SYF2: variants seen among roughly 807,000 people sequenced by gnomAD.
The protein encoded by SYF2 is pre-mRNA-splicing factor SYF2.
In SYF2, 21 loss-of-function variants were observed where a neutral mutation model predicts 32.7. That is an observed-to-expected ratio of 0.64 (90% CI 0.45 to 0.92). The LOEUF is 0.92. SYF2 is among the 40% of genes least tolerant of loss of function. SYF2 has a pLI of 0.00. For missense variants in SYF2, 278 were observed against 296.5 expected (o/e 0.94, Z 0.46); for synonymous variants, 114 against 103.9 (o/e 1.10, Z -0.59).
In SYF2 at chr1:25,227,571, C is replaced by T. The variant is rs769291134; in HGVS notation, c.377-39G>A. 10 of 1,566,494 alleles carry T rather than the reference C, an allele frequency of 6.4e-6. No homozygotes were observed. In the Admixed American group the frequency reaches 1.6e-4, roughly 25 times the overall value. On this transcript the variant is annotated intron_variant, in intron 4 of 6. Transcript: ENST00000236273. The stretch of plus-strand genomic sequence containing the variant: ...ATGAGAATCAGCGATAATATATTTC[C>T]TTGTTTGGACCTTCCTATTGAGAGA...
intron 2 of SYF2, chr1:25,231,478 G>A (rs558419243): frequency 6.5e-6 from 1 of 152,706 alleles, no homozygotes; most frequent in African/African-American, 2.4e-5. Flanking sequence ...CAGTAGTTTA[G>A]GTGTCACCTA....
intron 6 of SYF2, 66 bp downstream of exon 6, chr1:25,224,936 T>C (rs1638475701): frequency 1.9e-6 from 2 of 1,081,056 alleles, no homozygotes; most frequent in Non-Finnish European, 2.9e-6. Context: ...CAGATATAGG[T>C]GCATATTCTA....
chr1:25,224,789 C>T (rs771218245), intron 6 of SYF2, among the ~76,000 whole-genome samples: 3 of 152,170 alleles, frequency 2.0e-5, no homozygotes, highest in Non-Finnish European at 2.9e-5. Flanking sequence ...TCAGTTTCAT[C>T]AACATTCTTC....
chr1:25,228,245 A>C lies in SYF2; in HGVS notation c.259-10T>G, dbSNP rs550915192. ...CTCTTGCCGCACATTCCTAAAAAGA[A>C]GAAAAAAGCTGACACCTACAATTAT... On this transcript the variant is annotated splice_polypyrimidine_tract_variant and intron_variant, in intron 3 of 6. Transcript: ENST00000236273. 6.2e-7 allele frequency: 1 copy of C among 1,604,510 alleles called. No homozygotes were observed. The highest frequency in any genetic ancestry group is 2.2e-5 in the East Asian group (1 of 44,854).
intron 2 of SYF2, 114 bp downstream of exon 2, chr1:25,231,990 T>G (rs781756273): frequency 9.7e-7 from 1 of 1,030,960 alleles, no homozygotes; most frequent in East Asian, 2.6e-5. Context: ...TCCTCTCAGA[T>G]GATCCTGCTC....
At chr1:25,229,201 G>A (rs1638578896) in intron 2 of SYF2, 78 bp from the exon 3 acceptor site, 1 of 1,528,178 alleles carries the variant, frequency 6.5e-7, no homozygotes. Flanking sequence ...TTTGAGGAGG[G>A]TCAGGCAGGA....
intron 2 of SYF2, 23 bp downstream of exon 2, chr1:25,232,081 A>T (rs1431530836): frequency 1.2e-6 from 2 of 1,609,508 alleles, no homozygotes; most frequent in Non-Finnish European, 1.7e-6. Context: ...GACGGATCTA[A>T]GCCGGCCTCC....
At chr1:25,230,259 A>C (rs1438152536) in intron 2 of SYF2, 1 of 152,208 alleles carries the variant, frequency 6.6e-6, no homozygotes, top group Non-Finnish European at 1.5e-5. Flanking sequence ...ATGAAAAATG[A>C]AAGGAATTTT....
Position 25,223,185 on chromosome 1 carries a change from T to C in SYF2, c.*81A>G. 2 of 1,413,002 alleles carry C rather than the reference T, an allele frequency of 1.4e-6. No individual in the cohort carries two copies. The highest frequency in any genetic ancestry group is 2.9e-5 in the South Asian group (2 of 68,998). The allele number at this position is 1,413,002 out of a possible 1,614,324, so 87.5% of individuals were successfully genotyped here. The stretch of plus-strand genomic sequence containing the variant: ...GGACTACTAAATTCTGGATTACTGA[T>C]AAAATTTCAAAAAGAACTTGATTTT... On this transcript the variant is annotated 3_prime_UTR_variant, in exon 7 of 7. Coordinates refer to ENST00000236273, the MANE Select transcript of SYF2 (RefSeq NM_015484.5).
chr1:25,228,303 A>C, intron 3 of SYF2, 68 bp from the exon 4 acceptor site: 1 of 1,281,444 alleles, frequency 7.8e-7, no homozygotes, highest in Non-Finnish European at 1.1e-6. Flanking sequence ...ACTTTACATC[A>C]AGAAAGATCC....
In SYF2 at chr1:25,223,023, A is replaced by G. The variant is rs1236856841; in HGVS notation, c.*243T>C. The G allele has an allele frequency of 5.0e-5, 17 of 341,158 alleles. No individual in the cohort carries two copies. Among genetic ancestry groups the G allele is most frequent in the Non-Finnish European group, 9.1e-5 (17 of 187,036 alleles). 21.1% of individuals were successfully genotyped at this position (341,158 alleles called of 1,614,324 possible). On this transcript the variant is annotated 3_prime_UTR_variant, in exon 7 of 7. Transcript: ENST00000236273. ...TAGAAAAATAATATAATTAGAATGT[A>G]TACAAAGTAGATTACAAAACAACTT... is the stretch of plus-strand genomic sequence containing the variant.
rs754468999 is a variant in SYF2 at position 25,223,393 on chromosome 1, T to C, written c.605A>G (p.Tyr202Cys). 8 of 1,613,282 alleles carry C rather than the reference T, an allele frequency of 5.0e-6. No homozygotes were observed. Among genetic ancestry groups the C allele is most frequent in the Non-Finnish European group, 6.8e-6 (8 of 1,179,848 alleles). ...KRDKYSRRRPYNDDADIDYIN... is the reference protein window; with the variant it reads ...KRDKYSRRRPCNDDADIDYIN... ...GTAGTCGATATCTGCATCATCATTA[T>C]AAGGACGTCTCCGGCTATATTTGTC... Residue 202 changes from tyrosine to cysteine, a missense_variant, in exon 7 of 7, where the codon TAT (tyrosine) becomes TGT (cysteine). By Grantham distance (194) the Tyr-to-Cys change is radical. Coordinates refer to ENST00000236273, the MANE Select transcript of SYF2 (RefSeq NM_015484.5).
intron 2 of SYF2, chr1:25,230,251 G>T (rs1638600761): frequency 6.6e-6 from 1 of 150,672 alleles, no homozygotes; most frequent in African/African-American, 2.4e-5. Context: ...ATTGACAAAT[G>T]AAAAATGAAA....
chr1:25,227,616 G>C (rs1638539320), intron 4 of SYF2, 84 bp from the exon 5 acceptor site: 2 of 1,234,114 alleles, frequency 1.6e-6, no homozygotes, highest in Non-Finnish European at 2.3e-6. Context: ...ATTATCACAG[G>C]TGAGTATCTT....
At chr1:25,223,543 C>A (rs1638448664) in intron 6 of SYF2, 112 bp from the exon 7 acceptor site, 1 of 1,033,244 alleles carries the variant, frequency 9.7e-7, no homozygotes, top group Non-Finnish European at 1.4e-6. Context: ...GTTGTGAGGG[C>A]TAGAGGAAGC....
chr1:25,230,378 C>G (rs949339708), intron 2 of SYF2: 1 of 151,148 alleles, frequency 6.6e-6, no homozygotes, highest in African/African-American at 2.4e-5. Flanking sequence ...ATGAGTGTAT[C>G]GTCTTAAGGA....
chr1:25,226,564 C>T, intron 5 of SYF2, among the ~76,000 whole-genome samples: 1 of 152,214 alleles, frequency 6.6e-6, no homozygotes, highest in Admixed American at 6.5e-5. Flanking sequence ...AAAATAATAT[C>T]TAAGTAACTA....
At chr1:25,225,148 TTTTCAAA>T in intron 5 of SYF2, 48 bp from the exon 6 acceptor site, 1 of 1,261,542 alleles carries the variant, frequency 7.9e-7, no homozygotes, top group Non-Finnish European at 1.2e-6. Flanking sequence ...AAATGCTCCA[TTTTCAAA>T]TTTCAAACTA....
In SYF2 at chr1:25,230,074, TC is replaced by T. The variant is rs776426955; in HGVS notation, c.133-952del. On this transcript the variant is annotated intron_variant, in intron 2 of 6. Coordinates refer to ENST00000236273, the MANE Select transcript of SYF2 (RefSeq NM_015484.5). The stretch of plus-strand genomic sequence containing the variant: ...CTCAAGTGATCTGCCCGCCTGGACC[TC>T]CCAAAGTGCTGGGATTACAGGCATG... Among the ~76,000 whole-genome samples the T allele has an allele frequency of 1.2e-3, 178 of 152,298 alleles. 2 individuals are homozygous for T. Among genetic ancestry groups the T allele is most frequent in the Non-Finnish European group, 5.7e-4 (39 of 68,038 alleles).
Sources: gnomAD v4.1 joint callset for allele counts (sites outside exome capture counted in the v4.1 genomes callset) on GRCh38, gnomAD v4.1.1 for gene constraint, MANE v1.5 for transcripts, NCBI Gene and HGNC (gene_info 2026-07-23, HGNC 2026-07-21) for gene names.